GPRASP3: variants seen among roughly 807,000 people sequenced by gnomAD.
GPRASP3 encodes G protein-coupled receptor associated sorting protein 3.
the GPRASP3 span, among the ~76,000 whole-genome samples, chrX:102,723,352 G>T: frequency 1.8e-5 from 2 of 111,633 alleles, no homozygotes; most frequent in Non-Finnish European, 3.8e-5. Context: ...AGACTTAAAA[G>T]CTAGGATAGA....
chrX:102,744,987 G>A, the GPRASP3 span, among the ~76,000 whole-genome samples: 6 of 111,409 alleles, frequency 5.4e-5, no homozygotes, highest in African/African-American at 2.0e-4. Flanking sequence ...GGAAGGGAGA[G>A]TAAAAAAATA....
At chrX:102,730,220 T>C in the GPRASP3 span, among the ~76,000 whole-genome samples, 1 of 112,006 alleles carries the variant, frequency 8.9e-6, no homozygotes, top group South Asian at 3.7e-4. Flanking sequence ...CCTAGATCCT[T>C]CACATGTGCA....
the GPRASP3 span, among the ~76,000 whole-genome samples, chrX:102,745,188 G>C: frequency 9.0e-6 from 1 of 111,047 alleles, no homozygotes; most frequent in Admixed American, 9.6e-5. Flanking sequence ...ATCAAAGAGA[G>C]AGGACTGTTA....
the GPRASP3 span, chrX:102,749,721 C>T: frequency 8.3e-7 from 1 of 1,201,408 alleles, no homozygotes; most frequent in Non-Finnish European, 1.1e-6. Flanking sequence ...CTGAGGCAAG[C>T]CCTCCTTCAT....
the GPRASP3 span, chrX:102,749,059 G>A: frequency 2.5e-6 from 3 of 1,210,393 alleles, no homozygotes; most frequent in East Asian, 8.9e-5. Context: ...TGCTATACAA[G>A]CTAAAGCTGG....
the GPRASP3 span, among the ~76,000 whole-genome samples, chrX:102,728,208 A>G: frequency 9.0e-6 from 1 of 111,056 alleles, no homozygotes; most frequent in Non-Finnish European, 1.9e-5. Context: ...TAATATATAT[A>G]TTTTTCAATT....
At chrX:102,745,393 G>A in the GPRASP3 span, among the ~76,000 whole-genome samples, 1 of 111,645 alleles carries the variant, frequency 9.0e-6, no homozygotes, top group African/African-American at 3.3e-5. Context: ...AGGGGCAGTG[G>A]TGAGGCCTTG....
At chrX:102,729,677 C>T in the GPRASP3 span, among the ~76,000 whole-genome samples, 4 of 111,954 alleles carry the variant, frequency 3.6e-5, no homozygotes, top group East Asian at 8.5e-4. Flanking sequence ...CAAGATCAGC[C>T]TGGCCAACAT....
the GPRASP3 span, among the ~76,000 whole-genome samples, chrX:102,744,689 T>C: frequency 3.6e-5 from 4 of 112,159 alleles, no homozygotes; most frequent in African/African-American, 1.3e-4. Context: ...TGTCTTCCTC[T>C]CTTGCTCCTT....
the GPRASP3 span, chrX:102,750,706 AC>A: frequency 2.3e-6 from 2 of 879,725 alleles, no homozygotes; most frequent in Non-Finnish European, 3.1e-6. Context: ...TACAGTGTAC[AC>A]ATTATACACT....
the GPRASP3 span, chrX:102,752,839 G>A: frequency 1.1e-3 from 133 of 122,496 alleles, no homozygotes; most frequent in African/African-American, 4.1e-3. Flanking sequence ...GCGCAATCTC[G>A]GCCCACTGCA....
At chrX:102,733,367 G>A in the GPRASP3 span, among the ~76,000 whole-genome samples, 1 of 108,207 alleles carries the variant, frequency 9.2e-6, no homozygotes, top group Non-Finnish European at 1.9e-5. Context: ...GCTGAGACAG[G>A]AGAATTGCTT....
the GPRASP3 span, chrX:102,750,645 G>A: frequency 8.7e-7 from 1 of 1,150,409 alleles, no homozygotes. Context: ...TGTAAAATGA[G>A]CCAGAGATAG....
At chrX:102,751,829 G>A in the GPRASP3 span, 1 of 122,736 alleles carries the variant, frequency 8.1e-6, no homozygotes, top group South Asian at 3.8e-4. Context: ...AAACTTGTTA[G>A]ATGTCCTTTG....
chrX:102,734,570 T>C, the GPRASP3 span, among the ~76,000 whole-genome samples: 9 of 111,417 alleles, frequency 8.1e-5, no homozygotes, highest in Non-Finnish European at 1.5e-4. Flanking sequence ...TGAGCCGAGA[T>C]TGGGCTACTG....
chrX:102,723,723 G>T, the GPRASP3 span, among the ~76,000 whole-genome samples: 1 of 111,613 alleles, frequency 9.0e-6, no homozygotes, highest in Non-Finnish European at 1.9e-5. Context: ...ATAGCTTCAG[G>T]ATGGGGACTG....
chrX:102,734,636 T>A, the GPRASP3 span, among the ~76,000 whole-genome samples: 6 of 110,544 alleles, frequency 5.4e-5, no homozygotes, highest in South Asian at 3.8e-4. Context: ...ATAATAATAA[T>A]AAAAAAATAA....
At chrX:102,744,334 TA>T in the GPRASP3 span, among the ~76,000 whole-genome samples, 2,730 of 112,349 alleles carry the variant, frequency 0.024, 101 homozygotes, top group African/African-American at 0.085. Context: ...ACTAGAGAAA[TA>T]AAACTCTCAC....
the GPRASP3 span, among the ~76,000 whole-genome samples, chrX:102,743,998 C>G: frequency 8.9e-5 from 10 of 112,113 alleles, no homozygotes; most frequent in South Asian, 1.1e-3. Context: ...CTTAGCAGGA[C>G]TCAGCCTGCT....
Sources: gnomAD v4.1 joint callset for allele counts (sites outside exome capture counted in the v4.1 genomes callset) on GRCh38, gnomAD v4.1.1 for gene constraint, MANE v1.5 for transcripts, NCBI Gene and HGNC (gene_info 2026-07-23, HGNC 2026-07-21) for gene names.